The following RYR1 variants were observed in gnomAD, a reference collection of about 807,000 sequenced individuals.
RYR1 encodes ryanodine receptor 1, also known as central core disease of muscle.
RYR1 carries 342 observed loss-of-function variants against 583.5 expected under a neutral mutation model. That is an observed-to-expected ratio of 0.59 (90% CI 0.54 to 0.64). The LOEUF is 0.64. RYR1 is among the 30% of genes least tolerant of loss of function. The probability of loss-of-function intolerance (pLI) is 0.00; values close to 1 mark genes in which losing one functional copy is unlikely to be tolerated. For synonymous variants in RYR1, 2,791 were observed against 2,822.5 expected, an observed-to-expected ratio of 0.99 and a Z score of 0.35; for missense variants, 6,032 against 6,917.2, an observed-to-expected ratio of 0.87 and a Z score of 4.54.
At chr19:38,507,977 C>G (rs1970555939) in intron 58 of RYR1, 150 bp downstream of exon 58, 1 of 652,812 alleles carries the variant, frequency 1.5e-6, no homozygotes, top group African/African-American at 1.8e-5. Flanking sequence ...AGACACTGTT[C>G]TAGATGCTGG....
chr19:38,502,769 AGGGG>A, intron 48 of RYR1, 42 bp downstream of exon 48: 2 of 479,454 alleles, frequency 4.2e-6, no homozygotes, highest in East Asian at 3.9e-5. Context: ...GGGCAGGGGC[AGGGG>A]CAGGGGCAGG....
chr19:38,523,128 C>T lies in RYR1; in HGVS notation c.10347+13C>T. The T allele has an allele frequency of 1.9e-6, 3 of 1,613,846 alleles. No homozygotes were observed. In the South Asian group the frequency reaches 3.3e-5, roughly 18 times the overall value. ...GTCCAAGTCCCACGTGAGTGCCCAC[C>T]CCAACCGCCCTCCCCACAACCAGAG... is the stretch of plus-strand genomic sequence containing the variant. On this transcript the variant is annotated intron_variant, in intron 68 of 105. Coordinates refer to ENST00000359596, the MANE Select transcript of RYR1 (RefSeq NM_000540.3).
intron 101 of RYR1, among the ~76,000 whole-genome samples, chr19:38,583,289 C>G (rs1175811233): frequency 6.9e-6 from 1 of 145,510 alleles, no homozygotes; most frequent in Non-Finnish European, 1.5e-5. Context: ...AAGAGCAAAA[C>G]TCCATCTCAA....
Position 38,528,290 on chromosome 19 carries a change from G to C in RYR1, c.10825-16G>C. ...CAGGGTCTGGGGATGTGACTGTCCT[G>C]CTATCCCCTCCCCAGACCGAGCACC... On this transcript the variant is annotated splice_polypyrimidine_tract_variant and intron_variant, in intron 73 of 105. Coordinates refer to ENST00000359596, the MANE Select transcript of RYR1 (RefSeq NM_000540.3). The C allele has an allele frequency of 6.2e-7, 1 of 1,607,092 alleles. No individual in the cohort carries two copies. Among genetic ancestry groups the C allele is most frequent in the Non-Finnish European group, 8.5e-7 (1 of 1,173,848 alleles).
At chr19:38,579,723 G>A (rs1396455764) in intron 99 of RYR1, among the ~76,000 whole-genome samples, 1 of 152,072 alleles carries the variant, frequency 6.6e-6, no homozygotes, top group Non-Finnish European at 1.5e-5. Context: ...ACAGGCATGA[G>A]CCACCACACC....
Position 38,458,140 on chromosome 19 carries a change from C to A in RYR1, c.2015C>A (p.Pro672Gln). Residue 672 changes from proline (P) to glutamine (Q), a missense_variant, in exon 18 of 106, where the codon CCA becomes CAA. By Grantham distance (76) the Pro-to-Gln change is moderately conservative. Transcript: ENST00000359596. ...GAGGTGATGGTGGACGAGGTGACTC[C>A]ATTTCTGACAGCTCAGGCCACCCAC... is the stretch of plus-strand genomic sequence containing the variant. ...YFEVMVDEVT[P>Q]FLTAQATHLR... is the part of the protein sequence containing the mutation. 1 of 1,614,038 alleles carries A rather than the reference C, an allele frequency of 6.2e-7. No individual in the cohort carries two copies. The highest frequency in any genetic ancestry group is 8.5e-7 in the Non-Finnish European group (1 of 1,180,030).
intron 13 of RYR1, among the ~76,000 whole-genome samples, chr19:38,454,530 A>G (rs563983257): frequency 2.6e-5 from 4 of 152,358 alleles, no homozygotes; most frequent in African/African-American, 9.6e-5. Context: ...ACTCAACAAT[A>G]TATATTAAAT....
At chr19:38,519,499 C>G (rs957779743) in intron 67 of RYR1, 45 bp downstream of exon 67, 2 of 1,559,666 alleles carry the variant, frequency 1.3e-6, no homozygotes, top group African/African-American at 2.7e-5. Flanking sequence ...CCCGACCTCC[C>G]ACGTCCTCCA....
intron 88 of RYR1, 57 bp from the exon 89 acceptor site, chr19:38,548,176 T>C: frequency 6.2e-7 from 1 of 1,603,780 alleles, no homozygotes; most frequent in Non-Finnish European, 8.5e-7. Context: ...GAGGCAAGCC[T>C]GGTGGGGCCC....
chr19:38,561,386 T>C lies in RYR1; in HGVS notation c.12556T>C (p.Ser4186Pro), dbSNP rs1188632749. 3.7e-6 allele frequency: 6 copies of C among 1,613,260 alleles called. No individual in the cohort carries two copies. In the African/African-American group the frequency reaches 8.0e-5, roughly 22 times the overall value. ...GGGCCGCATCGAGATCATGGGCGCG[T>C]CACGCCGCATCGAGCGCATCTACTT... ...YLGRIEIMGA[S>P]RRIERIYFEI... is the part of the protein sequence containing the mutation. The change falls in exon 90 of 106, where the codon TCA (serine) becomes CCA (proline). Residue 4186 changes from serine to proline, a missense_variant. By Grantham distance (74) the Ser-to-Pro change is moderately conservative. Coordinates refer to ENST00000359596, the MANE Select transcript of RYR1 (RefSeq NM_000540.3). The surrounding 1 kb of genome is among the most constrained non-coding windows in gnomAD (Gnocchi z 4.8).
At chr19:38,467,499 A>G in intron 24 of RYR1, 111 bp from the exon 25 acceptor site, 1 of 1,161,972 alleles carries the variant, frequency 8.6e-7, no homozygotes, top group Middle Eastern at 1.9e-4. Context: ...CTCTTCCAAC[A>G]GTTCCCCAAA....
At position 38,517,380 on chromosome 19, in the gene RYR1, TGGA is replaced by T. The variant is rs780480139; in HGVS notation, c.9712_9714del (p.Glu3238del). ...CCAGTCCTGGGGCTCCCCAACAGTG[TGGA>T]GGAGATGTGTCCCGACATCCCGGTG... On this transcript the variant is annotated inframe_deletion, in exon 66 of 106. Transcript: ENST00000359596. 3.1e-6 allele frequency: 5 copies of T among 1,613,708 alleles called. No homozygotes were observed. Among genetic ancestry groups the T allele is most frequent in the Middle Eastern group, 1.7e-4 (1 of 6,038 alleles).
chr19:38,538,271 A>G (rs991008830), intron 84 of RYR1, among the ~76,000 whole-genome samples: 1 of 152,170 alleles, frequency 6.6e-6, no homozygotes, highest in Non-Finnish European at 1.5e-5. Context: ...GTGGTGGCAC[A>G]TGCTTGTAGT....
intron 1 of RYR1, among the ~76,000 whole-genome samples, 172 bp downstream of exon 1, chr19:38,434,046 C>T (rs1442031268): frequency 6.6e-6 from 1 of 152,046 alleles, no homozygotes; most frequent in Non-Finnish European, 1.5e-5. Context: ...TCACCTTTCT[C>T]ACTACAGAGA....
intron 29 of RYR1, 39 bp downstream of exon 29, chr19:38,475,489 A>G (rs1230228407): frequency 1.9e-6 from 3 of 1,611,352 alleles, no homozygotes; most frequent in Non-Finnish European, 2.5e-6. Context: ...GTCCCCCCGC[A>G]TAGCATAGGC....
rs200091381 is a variant in RYR1 at position 38,496,568 on chromosome 19, T to A, written c.6796+27T>A. The A allele has an allele frequency of 6.2e-7, 1 of 1,612,598 alleles. No homozygotes were observed. Among genetic ancestry groups the A allele is most frequent in the Non-Finnish European group, 8.5e-7 (1 of 1,179,956 alleles). ...TGAGAACCCCCGAGCCCAGGGGCTG[T>A]CCCCCAGAACCCACTCCTGGCACCC... On this transcript the variant is annotated intron_variant, in intron 41 of 105. Transcript: ENST00000359596. This position sits in a 1 kb window ranked among gnomAD's most constrained non-coding sequence, Gnocchi z 4.8.
At chr19:38,459,594 T>C (rs1020486447) in intron 19 of RYR1, among the ~76,000 whole-genome samples, 7 of 152,152 alleles carry the variant, frequency 4.6e-5, no homozygotes, top group Non-Finnish European at 1.0e-4. Flanking sequence ...ACTCTCCTAG[T>C]GGTCTCTCAA....
At position 38,486,039 on chromosome 19, in the gene RYR1, C is replaced by T. The variant is rs141379562; in HGVS notation, c.5384C>T (p.Pro1795Leu). The T allele has an allele frequency of 1.3e-5, 21 of 1,612,736 alleles. No individual in the cohort carries two copies. In the African/African-American group the frequency reaches 2.1e-4, roughly 16 times the overall value. The change falls in exon 34 of 106, where the codon CCG (proline) becomes CTG (leucine). Residue 1795 changes from proline (P) to leucine (L), a missense_variant. Physicochemically the swap from Pro to Leu is moderately conservative, Grantham distance 98. Coordinates refer to ENST00000359596, the MANE Select transcript of RYR1 (RefSeq NM_000540.3). ...ALPAAGAAEA[P>L]ARLSPAIPLE... ...CCAGCTGCTGGGGCAGCAGAGGCCC[C>T]GGCCCGCCTCAGCCCTGCCATCCCG...
intron 25 of RYR1, 128 bp from the exon 26 acceptor site, chr19:38,468,838 C>T: frequency 1.0e-6 from 1 of 954,626 alleles, no homozygotes; most frequent in African/African-American, 1.6e-5. Flanking sequence ...GACCCCTCTT[C>T]CATACCACCT....
Sources: allele counts gnomAD v4.1 joint callset (sites outside exome capture counted in the v4.1 genomes callset), GRCh38; gene constraint gnomAD v4.1.1; non-coding constraint Gnocchi (gnomAD v3.1); transcripts MANE v1.5; gene names NCBI Gene and HGNC (gene_info 2026-07-23, HGNC 2026-07-21).